DNAH12: variants seen among roughly 807,000 people sequenced by gnomAD.
DNAH12 encodes dynein axonemal heavy chain 12.
In DNAH12, 285 loss-of-function variants were observed where a neutral mutation model predicts 371.5. That is an observed-to-expected ratio of 0.77 (90% confidence interval 0.70 to 0.85). The LOEUF is 0.85. Ranked by LOEUF, DNAH12 falls within the 40% of genes least tolerant of loss-of-function variation. The probability of loss-of-function intolerance (pLI) is 0.00; values close to 1 mark genes in which losing one functional copy is unlikely to be tolerated. For missense variants in DNAH12, 3,611 were observed against 3,689.4 expected, an observed-to-expected ratio of 0.98 and a Z score of 0.55; for synonymous variants, 1,200 against 1,213.0, an observed-to-expected ratio of 0.99 and a Z score of 0.22.
intron 19 of DNAH12, 139 bp from the exon 20 acceptor site, chr3:57,459,925 C>T: frequency 2.8e-6 from 2 of 725,272 alleles, no homozygotes; most frequent in Non-Finnish European, 3.8e-6. Flanking sequence ...TTATGTATGT[C>T]TCACAAAGGC....
chr3:57,338,343 G>A (rs942316029), intron 60 of DNAH12, among the ~76,000 whole-genome samples: 14 of 152,214 alleles, frequency 9.2e-5, no homozygotes, highest in Admixed American at 3.3e-4. Context: ...GTGCAGTGGC[G>A]TGATCTCCGC....
chr3:57,346,233 G>C (rs1559574969), intron 60 of DNAH12, among the ~76,000 whole-genome samples: 1 of 151,900 alleles, frequency 6.6e-6, no homozygotes, highest in African/African-American at 2.4e-5. Context: ...AATAATAATA[G>C]CAACAATGTA....
Position 57,309,259 on chromosome 3 carries a change from A to G in DNAH12, c.11086-5T>C, listed in dbSNP as rs1160704203. 5 of 1,536,476 alleles carry G rather than the reference A, an allele frequency of 3.3e-6. No homozygotes were observed. In the East Asian group the frequency reaches 9.8e-5, roughly 30 times the overall value. On this transcript the variant is annotated splice_region_variant and splice_polypyrimidine_tract_variant and intron_variant, in intron 68 of 73. Coordinates refer to ENST00000495027, the MANE Select transcript of DNAH12 (RefSeq NM_001366028.2). ...AATGTCGAAATCACTAGGGAGCTAA[A>G]AGAATAGATTTTGAAGATCACAAAT...
chr3:57,327,655 A>G (rs1404100651), intron 62 of DNAH12, among the ~76,000 whole-genome samples: 3 of 151,856 alleles, frequency 2.0e-5, no homozygotes, highest in South Asian at 2.1e-4. Flanking sequence ...AAGAACTAGA[A>G]AAGCAAGAGC....
chr3:57,508,251 A>T, intron 7 of DNAH12, 131 bp downstream of exon 7: 1 of 936,082 alleles, frequency 1.1e-6, no homozygotes, highest in Non-Finnish European at 1.5e-6. Context: ...AACAAACAAG[A>T]TACATTTTTT....
Position 57,446,164 on chromosome 3 carries a change from T to G in DNAH12, c.4046A>C (p.Gln1349Pro). ...AACCAACTTCTGTTGAATAGCTCTC[T>G]GAATGCAAAGGATCTGTTGAGCTAC... ...SVVAQQILCI[Q>P]RAIQQKLVVF... Residue 1349 changes from glutamine to proline, a missense_variant, in exon 27 of 74, where the codon CAG becomes CCG. By Grantham distance (76) the Gln-to-Pro change is moderately conservative. This residue lies in a region of DNAH12 where 2,266 missense variants were observed against 2,236.9 expected (regional missense o/e 1.01). Transcript: ENST00000495027. 6.4e-7 allele frequency: 1 copy of G among 1,551,752 alleles called. No individual in the cohort carries two copies. Among genetic ancestry groups the G allele is most frequent in the African/African-American group, 1.4e-5 (1 of 73,172 alleles).
chr3:57,500,045 C>CT (rs34159826), intron 11 of DNAH12, among the ~76,000 whole-genome samples: 77 of 147,210 alleles, frequency 5.2e-4, no homozygotes, highest in African/African-American at 1.0e-3. Flanking sequence ...TCAGAATTAC[C>CT]TTTTTTTTTT....
At chr3:57,370,691 T>G in intron 55 of DNAH12, among the ~76,000 whole-genome samples, 1 of 152,288 alleles carries the variant, frequency 6.6e-6, no homozygotes, top group South Asian at 2.1e-4. Flanking sequence ...AGGCTTGCAT[T>G]TAAAAGACAC....
chr3:57,352,310 T>A (rs782536071), intron 59 of DNAH12, 85 bp from the exon 60 acceptor site: 172 of 1,353,082 alleles, frequency 1.3e-4, no homozygotes, highest in Non-Finnish European at 1.6e-4. Flanking sequence ...ACTTTTTATT[T>A]TATGAAAGTA....
intron 4 of DNAH12, chr3:57,519,719 G>T (rs1028962718): frequency 3.7e-6 from 6 of 1,611,220 alleles, no homozygotes; most frequent in Non-Finnish European, 5.1e-6. Context: ...AGAGGGCAGC[G>T]ATTGTTCTGT....
chr3:57,441,675 C>T (rs997008007), intron 29 of DNAH12, among the ~76,000 whole-genome samples: 2 of 151,796 alleles, frequency 1.3e-5, no homozygotes, highest in African/African-American at 4.8e-5. Context: ...GCCCATAATC[C>T]CAGCTACTTG....
chr3:57,515,313 T>C (rs1280403960), intron 4 of DNAH12, among the ~76,000 whole-genome samples: 3 of 152,100 alleles, frequency 2.0e-5, no homozygotes, highest in African/African-American at 7.2e-5. Context: ...AGAAAAAGTA[T>C]ATATAGCATG....
chr3:57,500,068 C>A (rs1160337778), intron 11 of DNAH12, among the ~76,000 whole-genome samples: 4 of 150,172 alleles, frequency 2.7e-5, no homozygotes, highest in Admixed American at 2.7e-4. Flanking sequence ...TGAGATGGAG[C>A]CTTACTCTGT....
chr3:57,430,573 C>G (rs545903298), intron 32 of DNAH12, among the ~76,000 whole-genome samples: 3 of 152,248 alleles, frequency 2.0e-5, no homozygotes, highest in African/African-American at 7.2e-5. Flanking sequence ...CTTCCTTTCC[C>G]TCAAATTTCT....
intron 55 of DNAH12, among the ~76,000 whole-genome samples, chr3:57,368,551 C>A (rs2063100576): frequency 6.6e-6 from 1 of 152,070 alleles, no homozygotes; most frequent in South Asian, 2.1e-4. Context: ...AATCTACGAG[C>A]TCTGCTCTTC....
At chr3:57,300,085 C>T (rs2061315118) in intron 70 of DNAH12, among the ~76,000 whole-genome samples, 2 of 152,214 alleles carry the variant, frequency 1.3e-5, no homozygotes, top group Non-Finnish European at 2.9e-5. Flanking sequence ...TACCACCCTA[C>T]AAAACTTCCC....
Position 57,527,828 on chromosome 3 carries a change from G to T in DNAH12, c.171-3944C>A, listed in dbSNP as rs1301014596. 5.3e-5 allele frequency among the ~76,000 whole-genome samples: 8 copies of T among 151,924 alleles called. No individual in the cohort carries two copies. In the South Asian group the frequency reaches 1.7e-3, roughly 32 times the overall value. On this transcript the variant is annotated intron_variant, in intron 2 of 73. Transcript: ENST00000495027. ...TGCAAATATTTTTTCCCATTCTATGGGTTGTCTCATCATGTTGTTATTTCC... is the reference window on the plus strand; with the variant it reads ...TGCAAATATTTTTTCCCATTCTATGTGTTGTCTCATCATGTTGTTATTTCC...
chr3:57,517,698 A>T (rs1178954091), intron 4 of DNAH12, among the ~76,000 whole-genome samples: 1 of 152,188 alleles, frequency 6.6e-6, no homozygotes, highest in Non-Finnish European at 1.5e-5. Flanking sequence ...AAAGTATATA[A>T]TCTTCCTTAG....
At chr3:57,415,096 G>T (rs990453435) in intron 38 of DNAH12, among the ~76,000 whole-genome samples, 1 of 151,886 alleles carries the variant, frequency 6.6e-6, no homozygotes, top group Non-Finnish European at 1.5e-5. Context: ...TTTCTCCCTG[G>T]GTCTCCCCAC....
Sources: gnomAD v4.1 joint callset for allele counts (sites outside exome capture counted in the v4.1 genomes callset) on GRCh38, gnomAD v4.1.1 for gene constraint, gnomAD v4.1.1 regional missense constraint, MANE v1.5 for transcripts, NCBI Gene and HGNC (gene_info 2026-07-23, HGNC 2026-07-21) for gene names.